The following TENM1 variants were observed in gnomAD, a reference collection of about 807,000 sequenced individuals.
TENM1 encodes the protein teneurin-1.
Under a neutral mutation model 174.8 loss-of-function variants are expected in TENM1, and 35 were observed. The observed-to-expected ratio is 0.20, with a 90% CI of 0.15 to 0.27. The LOEUF (loss-of-function observed/expected upper bound fraction) is 0.27, where lower values mean the gene tolerates loss of function less well. Among genes scored for constraint, TENM1 ranks in the 10% least tolerant of loss-of-function variants. The pLI is 1.00. For synonymous variants in TENM1, 781 were observed against 798.7 expected, an observed-to-expected ratio of 0.98 and a Z score of 0.37; for missense variants, 1,633 against 2,130.1, an observed-to-expected ratio of 0.77 and a Z score of 4.59.
intron 3 of TENM1, among the ~76,000 whole-genome samples, chrX:124,891,719 G>T (rs1038988293): frequency 9.1e-6 from 1 of 109,879 alleles, no homozygotes; most frequent in Non-Finnish European, 1.9e-5. Context: ...CATAACTAAA[G>T]ATAAAAAAAT....
the TENM1 span, among the ~76,000 whole-genome samples, chrX:125,091,336 G>T: frequency 9.0e-6 from 1 of 111,571 alleles, no homozygotes; most frequent in Non-Finnish European, 1.9e-5. Context: ...CATCTAATTT[G>T]AAGGAAGAAG....
At chrX:125,066,848 C>A in the TENM1 span, among the ~76,000 whole-genome samples, 2 of 111,284 alleles carry the variant, frequency 1.8e-5, no homozygotes, top group Non-Finnish European at 3.8e-5. Context: ...TTGCTTCACA[C>A]GTTGCCTTGT....
At chrX:124,511,306 G>C (rs906123543) in intron 18 of TENM1, among the ~76,000 whole-genome samples, 2 of 112,051 alleles carry the variant, frequency 1.8e-5, no homozygotes, top group African/African-American at 6.5e-5. Context: ...TTGGCACTGT[G>C]CCTATGAAGT....
intron 23 of TENM1, among the ~76,000 whole-genome samples, chrX:124,448,826 A>G (rs190649520): frequency 8.9e-6 from 1 of 112,071 alleles, no homozygotes; most frequent in East Asian, 2.8e-4. Flanking sequence ...TTGAAGCAAC[A>G]GTGAGGACTA....
intron 3 of TENM1, among the ~76,000 whole-genome samples, chrX:124,745,471 T>C (rs138037861): frequency 9.0e-6 from 1 of 111,658 alleles, no homozygotes; most frequent in Non-Finnish European, 1.9e-5. Flanking sequence ...CCTGTTGCTA[T>C]AATAGAGGGC....
At chrX:125,199,757 T>C in the TENM1 span, among the ~76,000 whole-genome samples, 1 of 112,054 alleles carries the variant, frequency 8.9e-6, no homozygotes, top group Non-Finnish European at 1.9e-5. Context: ...GGGATCCATG[T>C]CACCTGTAAA....
chrX:124,585,544 G>C (rs1169353334), intron 11 of TENM1, among the ~76,000 whole-genome samples: 1 of 111,665 alleles, frequency 9.0e-6, no homozygotes, highest in African/African-American at 3.3e-5. Context: ...GCAGTGTGTA[G>C]ATGGAAATTT....
intron 1 of TENM1, among the ~76,000 whole-genome samples, chrX:124,923,082 T>A (rs1168425415): frequency 8.9e-6 from 1 of 112,145 alleles, no homozygotes; most frequent in Non-Finnish European, 1.9e-5. Context: ...ATTATTCAAA[T>A]CCTTGGTATT....
chrX:124,625,704 C>G (rs1280991260), intron 11 of TENM1, among the ~76,000 whole-genome samples: 1 of 110,583 alleles, frequency 9.0e-6, no homozygotes, highest in Non-Finnish European at 1.9e-5. Flanking sequence ...ATGGTGGAAG[C>G]AGGAGCAAGA....
At chrX:124,673,984 T>C (rs951354527) in intron 5 of TENM1, among the ~76,000 whole-genome samples, 8 of 111,175 alleles carry the variant, frequency 7.2e-5, no homozygotes, top group Non-Finnish European at 1.3e-4. Context: ...TATTTGAATA[T>C]GTGGCTTGAG....
At chrX:124,967,791 T>A (rs1210767996), upstream of TENM1, among the ~76,000 whole-genome samples, 1 of 111,590 alleles carries the variant, frequency 9.0e-6, no homozygotes, top group Non-Finnish European at 1.9e-5. Flanking sequence ...CAGTCCCTCA[T>A]CAGTTCTGCC....
the TENM1 span, among the ~76,000 whole-genome samples, chrX:125,002,716 T>C: frequency 2.7e-5 from 3 of 111,796 alleles, no homozygotes; most frequent in African/African-American, 9.8e-5. Context: ...CTAAAATGTT[T>C]CATATAGATT....
At chrX:124,822,512 C>T (rs748108255) in intron 3 of TENM1, among the ~76,000 whole-genome samples, 1 of 112,211 alleles carries the variant, frequency 8.9e-6, no homozygotes, top group African/African-American at 3.2e-5. Flanking sequence ...TGGAACTTCT[C>T]CACAAATCCT....
At chrX:124,740,784 C>T (rs1357247826) in intron 3 of TENM1, among the ~76,000 whole-genome samples, 1 of 111,078 alleles carries the variant, frequency 9.0e-6, no homozygotes, top group East Asian at 2.8e-4. Flanking sequence ...AATGGGATTT[C>T]CCAACATTAA....
At chrX:124,448,738 G>A (rs1279876401) in intron 23 of TENM1, among the ~76,000 whole-genome samples, 1 of 111,824 alleles carries the variant, frequency 8.9e-6, no homozygotes, top group Non-Finnish European at 1.9e-5. Context: ...TCTACTGTGG[G>A]AGACGGGTTG....
intron 24 of TENM1, among the ~76,000 whole-genome samples, chrX:124,421,407 G>A (rs1274739622): frequency 1.8e-5 from 2 of 111,995 alleles, no homozygotes; most frequent in Non-Finnish European, 3.8e-5. Flanking sequence ...TTGATCAAAA[G>A]TCATATTGAC....
chrX:124,488,520 T>C (rs190127575), intron 20 of TENM1, among the ~76,000 whole-genome samples: 1 of 112,403 alleles, frequency 8.9e-6, no homozygotes, highest in East Asian at 2.8e-4. Flanking sequence ...AAAGGGTAGG[T>C]ATCCTGTGGG....
At chrX:124,906,544 T>C (rs865862174) in intron 1 of TENM1, among the ~76,000 whole-genome samples, 1 of 111,977 alleles carries the variant, frequency 8.9e-6, no homozygotes, top group South Asian at 3.7e-4. Context: ...ACTTACCATA[T>C]GATCTAACTA....
intron 15 of TENM1, among the ~76,000 whole-genome samples, chrX:124,536,831 T>G (rs1027905141): frequency 8.9e-6 from 1 of 112,026 alleles, no homozygotes; most frequent in Non-Finnish European, 1.9e-5. Flanking sequence ...TTTGGTTTGT[T>G]TTTTGCTTGT....
Sources: gnomAD v4.1 joint callset for allele counts (sites outside exome capture counted in the v4.1 genomes callset) on GRCh38, gnomAD v4.1.1 for gene constraint, MANE v1.5 for transcripts, NCBI Gene and HGNC (gene_info 2026-07-23, HGNC 2026-07-21) for gene names.